RANBP17: variants seen among roughly 807,000 people sequenced by gnomAD.
RANBP17 encodes the protein RAN binding protein 17.
In RANBP17, 158 loss-of-function variants were observed where a neutral mutation model predicts 141.2. The ratio of observed to expected loss-of-function variants is 1.12; its 90% CI spans 0.98 to 1.28. The LOEUF is 1.28. Ranked by LOEUF, RANBP17 falls within the 50% of genes most tolerant of loss-of-function variation. The pLI, the probability that RANBP17 is intolerant of heterozygous loss-of-function variation, is 0.00. For synonymous variants in RANBP17, 430 were observed against 450.0 expected (o/e 0.96, Z 0.56); for missense variants, 1,438 against 1,290.7 (o/e 1.11, Z -1.75).
chr5:171,116,549 T>C (rs1377946797), intron 14 of RANBP17, among the ~76,000 whole-genome samples: 1 of 152,230 alleles, frequency 6.6e-6, no homozygotes, highest in African/African-American at 2.4e-5. Flanking sequence ...CATTTTCTAA[T>C]TGACACATAA....
chr5:171,099,812 A>G (rs1028688003), intron 14 of RANBP17, among the ~76,000 whole-genome samples: 2 of 152,154 alleles, frequency 1.3e-5, no homozygotes, highest in African/African-American at 2.4e-5. Flanking sequence ...TTTAGCATGA[A>G]GGGGTGTTGA....
intron 5 of RANBP17, among the ~76,000 whole-genome samples, chr5:170,897,537 TC>T (rs1410612141): frequency 6.6e-6 from 1 of 152,034 alleles, no homozygotes; most frequent in Non-Finnish European, 1.5e-5. Flanking sequence ...ATTAGGTATT[TC>T]CCCTAATGCT....
At chr5:171,279,319 G>A (rs1233138196) in intron 25 of RANBP17, among the ~76,000 whole-genome samples, 1 of 152,194 alleles carries the variant, frequency 6.6e-6, no homozygotes, top group Non-Finnish European at 1.5e-5. Flanking sequence ...CGTAGATTGA[G>A]TAATATGTAA....
chr5:171,115,953 A>G (rs981988198), intron 14 of RANBP17, among the ~76,000 whole-genome samples: 1 of 152,180 alleles, frequency 6.6e-6, no homozygotes, highest in Non-Finnish European at 1.5e-5. Flanking sequence ...AGCCATTTAG[A>G]TTATGTGGAG....
chr5:171,214,910 C>T (rs1763123668), intron 21 of RANBP17, among the ~76,000 whole-genome samples: 1 of 151,572 alleles, frequency 6.6e-6, no homozygotes, highest in Admixed American at 6.6e-5. Context: ...AATTTAAGTT[C>T]TGGGATACAT....
At chr5:170,960,360 C>T (rs959539929) in intron 13 of RANBP17, among the ~76,000 whole-genome samples, 20 of 152,180 alleles carry the variant, frequency 1.3e-4, no homozygotes, top group African/African-American at 4.3e-4. Flanking sequence ...ACCTATTGGG[C>T]TGTTTCACTG....
intron 14 of RANBP17, among the ~76,000 whole-genome samples, chr5:171,122,903 T>C (rs571340588): frequency 2.0e-4 from 31 of 152,276 alleles, no homozygotes; most frequent in South Asian, 8.3e-4. Flanking sequence ...CATCCTCCCA[T>C]GTCCACTCAG....
Position 170,972,744 on chromosome 5 carries a change from A to G in RANBP17, c.1710+4367A>G, listed in dbSNP as rs373531486. 2.0e-4 allele frequency among the ~76,000 whole-genome samples: 31 copies of G among 152,252 alleles called. No individual in the cohort carries two copies. In the East Asian group the frequency reaches 2.9e-3, roughly 14 times the overall value. ...AGAATTGCTGGGCTGTAAAATGTAC[A>G]TATCTTAAGCTTTACTAGATATTAT... On this transcript the variant is annotated intron_variant, in intron 14 of 27. Coordinates refer to ENST00000523189, the MANE Select transcript of RANBP17 (RefSeq NM_022897.5).
intron 14 of RANBP17, among the ~76,000 whole-genome samples, chr5:171,133,021 G>A (rs887884516): frequency 6.6e-6 from 1 of 152,002 alleles, no homozygotes; most frequent in African/African-American, 2.4e-5. Context: ...GAGTAGCTGG[G>A]ACTACAGGGG....
At chr5:171,135,279 CAAAA>C (rs200094154) in intron 14 of RANBP17, among the ~76,000 whole-genome samples, 2 of 55,898 alleles carry the variant, frequency 3.6e-5, no homozygotes, top group African/African-American at 6.3e-5. Flanking sequence ...GACTCCATCT[CAAAA>C]AAAAAAAAAA....
At chr5:171,189,300 A>G (rs1761474473) in intron 18 of RANBP17, among the ~76,000 whole-genome samples, 1 of 152,224 alleles carries the variant, frequency 6.6e-6, no homozygotes, top group Non-Finnish European at 1.5e-5. Flanking sequence ...TAAAATAATG[A>G]AATGTATGTG....
intron 14 of RANBP17, among the ~76,000 whole-genome samples, chr5:171,000,265 A>T (rs938465897): frequency 1.4e-4 from 21 of 152,100 alleles, no homozygotes; most frequent in Admixed American, 7.2e-4. Context: ...TTGCTGCATC[A>T]TGGGTAATTT....
intron 14 of RANBP17, among the ~76,000 whole-genome samples, chr5:171,081,958 GA>G (rs912519220): frequency 5.3e-5 from 8 of 152,078 alleles, no homozygotes; most frequent in African/African-American, 1.7e-4. Flanking sequence ...AATGACCTGA[GA>G]ATCCTTCTAA....
chr5:171,011,364 A>G (rs1370258581), intron 14 of RANBP17, among the ~76,000 whole-genome samples: 1 of 152,000 alleles, frequency 6.6e-6, no homozygotes, highest in Non-Finnish European at 1.5e-5. Context: ...TTTTTGGCCT[A>G]TATAGTCTCC....
chr5:171,045,857 C>T (rs1782547877), intron 14 of RANBP17, among the ~76,000 whole-genome samples: 1 of 152,170 alleles, frequency 6.6e-6, no homozygotes, highest in East Asian at 1.9e-4. Context: ...TAAAGCCTCC[C>T]TCATGGTGTC....
At chr5:171,215,612 G>A (rs1392230310) in intron 21 of RANBP17, among the ~76,000 whole-genome samples, 1 of 152,094 alleles carries the variant, frequency 6.6e-6, no homozygotes, top group Non-Finnish European at 1.5e-5. Flanking sequence ...GGCATGAGAT[G>A]GTATCTCATT....
chr5:170,911,506 A>G (rs1481597052), intron 7 of RANBP17: 2 of 716,642 alleles, frequency 2.8e-6, no homozygotes, highest in Admixed American at 1.8e-5. Context: ...AATCTTCAGG[A>G]TCAGTGTTAG....
chr5:171,168,842 GTTTCTCTCTCTCTCTCTCTC>G (rs1759899662), intron 14 of RANBP17, among the ~76,000 whole-genome samples: 1 of 151,770 alleles, frequency 6.6e-6, no homozygotes, highest in South Asian at 2.1e-4. Context: ...CTCTCTCTCT[GTTTCTCTCTCTCTCTCTCTC>G]TTTCTTCCCC....
At chr5:171,098,524 A>G (rs188164677) in intron 14 of RANBP17, among the ~76,000 whole-genome samples, 16 of 152,162 alleles carry the variant, frequency 1.1e-4, no homozygotes, top group Admixed American at 4.6e-4. Flanking sequence ...TTCTTTGTAG[A>G]TTCTGGATAT....
Sources: allele counts gnomAD v4.1 joint callset (sites outside exome capture counted in the v4.1 genomes callset), GRCh38; gene constraint gnomAD v4.1.1; transcripts MANE v1.5; gene names NCBI Gene and HGNC (gene_info 2026-07-23, HGNC 2026-07-21).